The following KATNIP variants were observed in gnomAD, a reference collection of about 807,000 sequenced individuals.
KATNIP encodes the protein katanin interacting protein.
Under a neutral mutation model 174.0 loss-of-function variants are expected in KATNIP, and 126 were observed. The ratio of observed to expected loss-of-function variants is 0.72; its 90% CI spans 0.63 to 0.84. The LOEUF is 0.84. Ranked by LOEUF, KATNIP falls within the 40% of genes least tolerant of loss-of-function variation. The probability of loss-of-function intolerance (pLI) is 0.00; values close to 1 mark genes in which losing one functional copy is unlikely to be tolerated. For synonymous variants in KATNIP, 810 were observed against 835.7 expected, an observed-to-expected ratio of 0.97 and a Z score of 0.53; for missense variants, 1,958 against 2,109.7, an observed-to-expected ratio of 0.93 and a Z score of 1.41.
chr16:27,608,386 A>G (rs1555518446), intron 2 of KATNIP, among the ~76,000 whole-genome samples: 1 of 138,704 alleles, frequency 7.2e-6, no homozygotes, highest in Non-Finnish European at 1.5e-5. Context: ...GCACGCCACC[A>G]TGACTGGTGA....
chr16:27,748,610 T>G (rs1487304256), intron 15 of KATNIP, among the ~76,000 whole-genome samples: 3 of 148,776 alleles, frequency 2.0e-5, no homozygotes, highest in Non-Finnish European at 4.5e-5. Context: ...ACAAATAGCA[T>G]TTTTTTCTTG....
In KATNIP at chr16:27,766,359, T is replaced by G. The variant is rs368904537; in HGVS notation, c.3860T>G (p.Ile1287Ser). The part of the protein sequence containing the change: ...ITMEDEHMWL[I>S]PFSPGLDHVV... ...ATGGAGGATGAGCATATGTGGCTGA[T>G]CCCCTTCTCGCCGGGGCTGGACCAT... Residue 1287 changes from isoleucine (I) to serine (S), a missense_variant, in exon 20 of 28, where the codon ATC becomes AGC. By Grantham distance (142) the Ile-to-Ser change is moderately radical (BLOSUM62 -2). Around this residue, in one of 3 missense-constraint regions of KATNIP, gnomAD observed 383 missense variants for 456.0 expected, o/e 0.84. Coordinates refer to ENST00000261588, the MANE Select transcript of KATNIP (RefSeq NM_015202.5). 1 of 1,614,142 alleles carries G rather than the reference T, an allele frequency of 6.2e-7. No individual in the cohort carries two copies.
At chr16:27,697,915 C>T (rs2142974306) in intron 8 of KATNIP, among the ~76,000 whole-genome samples, 1 of 152,256 alleles carries the variant, frequency 6.6e-6, no homozygotes, top group East Asian at 1.9e-4. Flanking sequence ...AATTAAGTGG[C>T]AGACATCATT....
intron 3 of KATNIP, among the ~76,000 whole-genome samples, chr16:27,624,711 T>C (rs1019552442): frequency 6.6e-6 from 1 of 151,830 alleles, no homozygotes; most frequent in African/African-American, 2.4e-5. Context: ...TCCCTGCTAC[T>C]CGAGAGGCTG....
chr16:27,604,661 C>A (rs1258250339), intron 2 of KATNIP, among the ~76,000 whole-genome samples: 1 of 152,212 alleles, frequency 6.6e-6, no homozygotes, highest in Non-Finnish European at 1.5e-5. Context: ...AGGAAGTGTT[C>A]AGCCAATACT....
chr16:27,777,542 G>A lies in KATNIP; in HGVS notation c.4552-68G>A, dbSNP rs181316369. ...GAAAGCCTTGGCTCAGAGCAGTAACGCGTTCTGCCCAAGGTCAACGTGGGA... is the reference window on the plus strand; with the variant it reads ...GAAAGCCTTGGCTCAGAGCAGTAACACGTTCTGCCCAAGGTCAACGTGGGA... On this transcript the variant is annotated intron_variant, in intron 25 of 27. Transcript: ENST00000261588. This position sits in a 1 kb window ranked among gnomAD's most constrained non-coding sequence, Gnocchi z 4.4. 4.4e-4 allele frequency: 639 copies of A among 1,468,184 alleles called. 1 individual carries two copies. In the African/African-American group the frequency reaches 6.1e-3, roughly 14 times the overall value. 90.9% of individuals were successfully genotyped at this position (1,468,184 alleles called of 1,614,324 possible).
chr16:27,613,853 A>AG (rs2075966379), intron 2 of KATNIP, among the ~76,000 whole-genome samples: 1 of 152,150 alleles, frequency 6.6e-6, no homozygotes, highest in Non-Finnish European at 1.5e-5. Context: ...GGCCCAGGGG[A>AG]GGACAGAGTA....
chr16:27,750,046 G>C lies in KATNIP; in HGVS notation c.3086G>C (p.Arg1029Pro). 1.2e-6 allele frequency: 2 copies of C among 1,614,168 alleles called. No homozygotes were observed. Among genetic ancestry groups the C allele is most frequent in the Non-Finnish European group, 1.7e-6 (2 of 1,180,026 alleles). Residue 1029 changes from arginine (R) to proline (P), a missense_variant, in exon 16 of 28, where the codon CGC (arginine) becomes CCC (proline). Arg to Pro is a moderately radical substitution (Grantham distance 103). Coordinates refer to ENST00000261588, the MANE Select transcript of KATNIP (RefSeq NM_015202.5). Reference sequence around the variant, plus strand: ...TTACCAGCCTATGGGAAAGACCCCCGCGTGGTCACCAACCTCATCGACGGG... The same window carrying C: ...TTACCAGCCTATGGGAAAGACCCCCCCGTGGTCACCAACCTCATCGACGGG... ...NILPAYGKDPRVVTNLIDGVN... is the reference protein window; with the variant it reads ...NILPAYGKDPPVVTNLIDGVN...
chr16:27,625,298 G>T (rs915003368), intron 3 of KATNIP, among the ~76,000 whole-genome samples: 8 of 152,172 alleles, frequency 5.3e-5, no homozygotes, highest in African/African-American at 1.2e-4. Flanking sequence ...TGGACTGCCA[G>T]TCTCAGATCC....
rs368275529 is a variant in KATNIP, at chr16:27,713,671, AT to A, written c.1605+4753del. ...TGTGTGTATATATATACACATACAT[AT>A]TATATATATGTGTGTGTATATATAT... is the stretch of plus-strand genomic sequence containing the variant. On this transcript the variant is annotated intron_variant, in intron 13 of 27. Coordinates refer to ENST00000261588, the MANE Select transcript of KATNIP (RefSeq NM_015202.5). Among the ~76,000 whole-genome samples, 280 of 143,436 alleles carry A rather than the reference AT, an allele frequency of 2.0e-3. 3 individuals carry two copies. The highest frequency in any genetic ancestry group is 2.4e-3 in the Non-Finnish European group (160 of 65,494). 94.1% of individuals were successfully genotyped at this position (143,436 alleles called of 152,430 possible).
chr16:27,636,149 A>G (rs115750548), intron 5 of KATNIP, among the ~76,000 whole-genome samples: 35 of 152,214 alleles, frequency 2.3e-4, no homozygotes, highest in Admixed American at 7.9e-4. Context: ...GCAAGACCCT[A>G]TCTCAAAATC....
intron 27 of KATNIP, 35 bp downstream of exon 27, chr16:27,778,004 TTG>T: frequency 6.3e-7 from 1 of 1,591,788 alleles, no homozygotes; most frequent in African/African-American, 1.3e-5. Flanking sequence ...GCATTGTGCC[TTG>T]GGAGCTCGGT....
chr16:27,655,091 T>TGCATG lies in KATNIP; in HGVS notation c.540+6357_540+6361dup, dbSNP rs934305382. Reference sequence around the variant, plus strand: ...TTGCAGTGAGCTATGATTGTGCTACTGCATGTCTGCCTGGATGACAAAGAG... The same window carrying TGCATG: ...TTGCAGTGAGCTATGATTGTGCTACTGCATGGCATGTCTGCCTGGATGACAAAGAG... On this transcript the variant is annotated intron_variant, in intron 6 of 27. Transcript: ENST00000261588. Among the ~76,000 whole-genome samples, 52 of 150,324 alleles carry TGCATG rather than the reference T, an allele frequency of 3.5e-4. 1 individual carries two copies. The highest frequency in any genetic ancestry group is 1.2e-3 in the African/African-American group (49 of 41,006).
chr16:27,771,258 C>G (rs775883098), intron 21 of KATNIP, among the ~76,000 whole-genome samples: 1 of 152,216 alleles, frequency 6.6e-6, no homozygotes, highest in South Asian at 2.1e-4. Flanking sequence ...AGCAAGTGAC[C>G]TCACTTCTCC....
chr16:27,708,081 A>C (rs1240847269), intron 12 of KATNIP, among the ~76,000 whole-genome samples: 1 of 149,762 alleles, frequency 6.7e-6, no homozygotes, highest in Non-Finnish European at 1.5e-5. Flanking sequence ...CAGTGGTGTG[A>C]ACACAGCTCA....
chr16:27,680,628 TC>T (rs1411955279), intron 7 of KATNIP, among the ~76,000 whole-genome samples: 2 of 150,188 alleles, frequency 1.3e-5, no homozygotes, highest in African/African-American at 4.9e-5. Context: ...CTGGGAGGGA[TC>T]CTCCTGCCAC....
At chr16:27,758,489 A>G (rs2081819784) in intron 18 of KATNIP, among the ~76,000 whole-genome samples, 2 of 152,182 alleles carry the variant, frequency 1.3e-5, no homozygotes, top group Non-Finnish European at 2.9e-5. Context: ...TATAAGATGC[A>G]GATCAGATCA....
chr16:27,678,027 C>A lies in KATNIP; in HGVS notation c.808+31C>A. 2.5e-6 allele frequency: 4 copies of A among 1,602,448 alleles called. No individual in the cohort carries two copies. In the South Asian group the frequency reaches 3.3e-5, roughly 13 times the overall value. On this transcript the variant is annotated intron_variant, in intron 7 of 27. Transcript: ENST00000261588. ...CTCTGTCTTGTATATCATTTCTTTG[C>A]CATTGGTGTCTCTGCATCTAATAGC...
intron 1 of KATNIP, among the ~76,000 whole-genome samples, chr16:27,566,393 G>A (rs140401858): frequency 6.6e-5 from 10 of 152,166 alleles, no homozygotes; most frequent in East Asian, 3.9e-4. Flanking sequence ...AAAATACACC[G>A]GGCGTGGTGG....
Sources: allele counts gnomAD v4.1 joint callset (sites outside exome capture counted in the v4.1 genomes callset), GRCh38; gene constraint gnomAD v4.1.1; regional missense constraint gnomAD v4.1.1; non-coding constraint Gnocchi (gnomAD v3.1); transcripts MANE v1.5; gene names NCBI Gene and HGNC (gene_info 2026-07-23, HGNC 2026-07-21).